Variants in FOCAD observed in about 807,000 individuals in gnomAD.
FOCAD encodes focadhesin.
Under a neutral mutation model 225.6 loss-of-function variants are expected in FOCAD, and 198 were observed. That is an observed-to-expected ratio of 0.88 (90% CI 0.78 to 0.99). FOCAD has a LOEUF of 0.99. Among genes scored for constraint, FOCAD ranks in the 50% least tolerant of loss-of-function variants. FOCAD has a pLI of 0.00. For synonymous variants in FOCAD, 897 were observed against 755.0 expected (o/e 1.19, Z -3.08); for missense variants, 2,713 against 2,123.6 (o/e 1.28, Z -5.46).
chr9:20,765,421 A>C (rs1829970206), intron 7 of FOCAD, among the ~76,000 whole-genome samples: 1 of 152,100 alleles, frequency 6.6e-6, no homozygotes, highest in South Asian at 2.1e-4. Context: ...AGGAAAAAAA[A>C]GACCTCTGTG....
chr9:20,755,676 A>G (rs752972537), intron 5 of FOCAD, among the ~76,000 whole-genome samples: 5 of 152,212 alleles, frequency 3.3e-5, no homozygotes, highest in Non-Finnish European at 5.9e-5. Flanking sequence ...TGCCACCATT[A>G]TCTGGAAGAT....
intron 23 of FOCAD, among the ~76,000 whole-genome samples, chr9:20,913,160 ACAC>A (rs1833588367): frequency 6.7e-6 from 1 of 149,396 alleles, no homozygotes; most frequent in African/African-American, 2.5e-5. Context: ...ACACACACAC[ACAC>A]ACACACACAC....
At position 20,721,170 on chromosome 9, in the gene FOCAD, G is replaced by C. The variant is rs1227056760; in HGVS notation, c.287+636G>C. Reference sequence around the variant, plus strand: ...CTGTTATAAAATACTCCCTGAAAAAGAGTTGTCACTCTTTGCTTCAAGAAA... The same window carrying C: ...CTGTTATAAAATACTCCCTGAAAAACAGTTGTCACTCTTTGCTTCAAGAAA... On this transcript the variant is annotated intron_variant, in intron 4 of 43. Transcript: ENST00000338382. Among the ~76,000 whole-genome samples, 5 of 152,254 alleles carry C rather than the reference G, an allele frequency of 3.3e-5. No individual in the cohort carries two copies. In the East Asian group the frequency reaches 9.6e-4, roughly 29 times the overall value.
At chr9:20,854,240 A>T (rs1827943980) in intron 15 of FOCAD, among the ~76,000 whole-genome samples, 1 of 151,842 alleles carries the variant, frequency 6.6e-6, no homozygotes. Context: ...CAAAAGAACA[A>T]AGTCATTTTT....
intron 43 of FOCAD, among the ~76,000 whole-genome samples, chr9:20,995,169 C>T (rs1163943950): frequency 6.6e-6 from 1 of 151,782 alleles, no homozygotes; most frequent in Non-Finnish European, 1.5e-5. Flanking sequence ...TGTTTTTTAT[C>T]ATTAAGTAAA....
At chr9:20,918,969 G>A (rs897915922) in intron 24 of FOCAD, among the ~76,000 whole-genome samples, 2 of 152,140 alleles carry the variant, frequency 1.3e-5, no homozygotes, top group Non-Finnish European at 2.9e-5. Flanking sequence ...AGCTACGGCT[G>A]CCACAGGCTG....
chr9:20,923,833 C>T, intron 25 of FOCAD, 65 bp downstream of exon 25: 1 of 1,254,582 alleles, frequency 8.0e-7, no homozygotes, highest in Non-Finnish European at 1.1e-6. Flanking sequence ...TTTAGGTAGC[C>T]TGGCCCTGGG....
chr9:20,840,941 T>C (rs1042406358), intron 15 of FOCAD, among the ~76,000 whole-genome samples: 1 of 151,982 alleles, frequency 6.6e-6, no homozygotes, highest in Non-Finnish European at 1.5e-5. Context: ...GGGATGTTAA[T>C]GTTGAATTGT....
intron 2 of FOCAD, among the ~76,000 whole-genome samples, chr9:20,664,757 G>C (rs1821846187): frequency 6.6e-6 from 1 of 151,778 alleles, no homozygotes; most frequent in African/African-American, 2.4e-5. Context: ...GGGATTACAG[G>C]CGTGAGCCAT....
Position 20,740,258 on chromosome 9 carries a change from G to A in FOCAD, c.310G>A (p.Ala104Thr), listed in dbSNP as rs1437013330. Residue 104 changes from alanine to threonine, a missense_variant, in exon 5 of 44, where the codon GCC becomes ACC. Ala to Thr is a moderately conservative substitution (Grantham distance 58). Transcript: ENST00000338382. ...CAGAAATACACATGGCTTGATAAAA[G>A]CCATTATGCACTTACTACAAATGCA... ...STRNTHGLIK[A>T]IMHLLQMQAL... 6.2e-7 allele frequency: 1 copy of A among 1,607,598 alleles called. No individual in the cohort carries two copies. Among genetic ancestry groups the A allele is most frequent in the South Asian group, 1.1e-5 (1 of 89,406 alleles).
intron 23 of FOCAD, 89 bp downstream of exon 23, chr9:20,913,043 C>G (rs1833569429): frequency 1.0e-6 from 1 of 1,003,988 alleles, no homozygotes; most frequent in East Asian, 2.6e-5. Context: ...TTAAGATTAG[C>G]AGGTTTAACC....
chr9:20,864,316 G>A (rs1390179152), intron 16 of FOCAD, among the ~76,000 whole-genome samples: 2 of 152,026 alleles, frequency 1.3e-5, no homozygotes, highest in African/African-American at 4.8e-5. Context: ...TTTACAACAA[G>A]TCCATAAAGC....
chr9:20,839,261 T>TTC (rs1419907595), intron 15 of FOCAD, among the ~76,000 whole-genome samples: 2 of 141,358 alleles, frequency 1.4e-5, no homozygotes, highest in African/African-American at 5.2e-5. Context: ...CTTTCTTTCT[T>TTC]TTTTTTTTTT....
At chr9:20,715,438 TG>T in intron 2 of FOCAD, 28 bp downstream of exon 2, 1 of 1,421,528 alleles carries the variant, frequency 7.0e-7, no homozygotes. Context: ...TTTTTGCTCA[TG>T]GTAACAAATA....
At chr9:20,938,590 G>T (rs1464212631) in intron 28 of FOCAD, among the ~76,000 whole-genome samples, 2 of 151,504 alleles carry the variant, frequency 1.3e-5, no homozygotes, top group Non-Finnish European at 2.9e-5. Flanking sequence ...GGGGTGGGGG[G>T]AGTGGGGAGG....
At chr9:20,893,082 C>T (rs570410577) in intron 21 of FOCAD, among the ~76,000 whole-genome samples, 1 of 152,024 alleles carries the variant, frequency 6.6e-6, no homozygotes, top group Non-Finnish European at 1.5e-5. Context: ...TGACTATCCA[C>T]AGGTGCAGTT....
At chr9:20,760,093 G>A (rs1829439091) in intron 6 of FOCAD, among the ~76,000 whole-genome samples, 1 of 152,076 alleles carries the variant, frequency 6.6e-6, no homozygotes, top group Non-Finnish European at 1.5e-5. Context: ...TGGTGTCTCT[G>A]CCTCCAGTCT....
At chr9:20,779,174 C>G (rs1819100985) in intron 9 of FOCAD, among the ~76,000 whole-genome samples, 1 of 152,008 alleles carries the variant, frequency 6.6e-6, no homozygotes, top group African/African-American at 2.4e-5. Context: ...CTAGCTAGAA[C>G]AAATGAAAGA....
chr9:20,824,463 G>C (rs1313930771), intron 15 of FOCAD, among the ~76,000 whole-genome samples: 2 of 151,696 alleles, frequency 1.3e-5, no homozygotes, highest in Admixed American at 1.3e-4. Context: ...TGATTCCATT[G>C]TTTTCTCTGC....
Sources: allele counts gnomAD v4.1 joint callset (sites outside exome capture counted in the v4.1 genomes callset), GRCh38; gene constraint gnomAD v4.1.1; transcripts MANE v1.5; gene names NCBI Gene and HGNC (gene_info 2026-07-23, HGNC 2026-07-21).